The following ADAM22 variants were observed in gnomAD, a reference collection of about 807,000 sequenced individuals.
ADAM22 encodes the protein ADAM metallopeptidase domain 22.
A neutral mutation model predicts 144.6 loss-of-function variants in ADAM22; 65 were observed. The observed-to-expected ratio is 0.45, with a 90% CI of 0.37 to 0.55. The LOEUF (loss-of-function observed/expected upper bound fraction) is 0.55, where lower values mean the gene tolerates loss of function less well. Ranked by LOEUF, ADAM22 falls within the 20% of genes least tolerant of loss-of-function variation. The pLI, the probability that ADAM22 is intolerant of heterozygous loss-of-function variation, is 0.00. For synonymous variants in ADAM22, 391 were observed against 412.6 expected, an observed-to-expected ratio of 0.95 and a Z score of 0.63; for missense variants, 974 against 1,184.9, an observed-to-expected ratio of 0.82 and a Z score of 2.61.
intron 2 of ADAM22, among the ~76,000 whole-genome samples, chr7:87,960,591 A>C (rs938885424): frequency 6.6e-6 from 1 of 152,136 alleles, no homozygotes; most frequent in Non-Finnish European, 1.5e-5. Context: ...TCTTCTCTGC[A>C]GTATGTTTTC....
chr7:87,944,867 A>G (rs1322248062), intron 2 of ADAM22, among the ~76,000 whole-genome samples: 1 of 143,218 alleles, frequency 7.0e-6, no homozygotes, highest in Non-Finnish European at 1.5e-5. Flanking sequence ...TCTCATCCAC[A>G]CATGAGCTTT....
In ADAM22 at chr7:88,143,029, T is replaced by C; in HGVS notation, c.1224T>C (p.Tyr408=). The C allele has an allele frequency of 6.3e-7, 1 of 1,598,880 alleles. No individual in the cohort carries two copies. Among genetic ancestry groups the C allele is most frequent in the Non-Finnish European group, 8.6e-7 (1 of 1,167,966 alleles). The change falls in exon 15 of 32, where the codon TAT becomes TAC. Residue 408 remains tyrosine, a synonymous_variant. Coordinates refer to ENST00000413139, the MANE Select transcript of ADAM22 (RefSeq NM_001324418.2). ...WSGCIMGDTG[Y]YLPKKFTQCN... ...TTGCTTTTCTTCTCTTTTATAGCTA[T>C]TATCTTCCTAAAAAGTTCACCCAGT...
rs139474891 is a variant in ADAM22, at chr7:88,042,154, C to G, written c.324-33472C>G. Among the ~76,000 whole-genome samples, 776 of 152,066 alleles carry G rather than the reference C, an allele frequency of 5.1e-3. 13 individuals carry two copies. The highest frequency in any genetic ancestry group is 0.041 in the East Asian group (214 of 5,188). ...AAGAAAGTTTATCTTCAGGGGAGGG[C>G]TTTCTCACTGTTTTCCATTGATTTT... On this transcript the variant is annotated intron_variant, in intron 3 of 31. Transcript: ENST00000413139.
chr7:88,098,548 G>A (rs953048878), intron 4 of ADAM22, among the ~76,000 whole-genome samples: 1 of 152,084 alleles, frequency 6.6e-6, no homozygotes, highest in Non-Finnish European at 1.5e-5. Context: ...GCCCTAATCC[G>A]ATGGTTGGTG....
At chr7:88,121,840 T>G (rs1296165531) in intron 7 of ADAM22, among the ~76,000 whole-genome samples, 1 of 152,222 alleles carries the variant, frequency 6.6e-6, no homozygotes, top group Non-Finnish European at 1.5e-5. Context: ...GAGTCCAGCC[T>G]TCTCTCAAGG....
chr7:88,192,091 GC>G (rs1367757775), intron 30 of ADAM22, among the ~76,000 whole-genome samples: 2 of 152,130 alleles, frequency 1.3e-5, no homozygotes, highest in East Asian at 1.9e-4. Context: ...TGCTACCCCC[GC>G]CCCTCCCACT....
intron 4 of ADAM22, among the ~76,000 whole-genome samples, chr7:88,094,171 G>C (rs1394529048): frequency 6.6e-6 from 1 of 152,124 alleles, no homozygotes; most frequent in South Asian, 2.1e-4. Flanking sequence ...CATGATGCAG[G>C]CAACTACTGA....
intron 14 of ADAM22, among the ~76,000 whole-genome samples, chr7:88,142,177 A>G (rs1373840476): frequency 6.6e-6 from 1 of 152,246 alleles, no homozygotes; most frequent in Non-Finnish European, 1.5e-5. Flanking sequence ...ACAAAGAAGT[A>G]CATCCTCCTA....
intron 3 of ADAM22, among the ~76,000 whole-genome samples, chr7:88,064,761 C>G (rs1810784429): frequency 6.6e-6 from 1 of 152,142 alleles, no homozygotes; most frequent in Non-Finnish European, 1.5e-5. Flanking sequence ...AATAACCTCC[C>G]AAAGGCCTCA....
intron 3 of ADAM22, 140 bp downstream of exon 3, chr7:87,978,552 C>A (rs1390378864): frequency 3.3e-6 from 2 of 614,056 alleles, no homozygotes; most frequent in Non-Finnish European, 5.5e-6. Context: ...TACTTATTTA[C>A]TGTAGGTTAT....
intron 3 of ADAM22, among the ~76,000 whole-genome samples, chr7:88,019,686 TAAAAATTAC>T (rs1430187242): frequency 6.6e-6 from 1 of 151,736 alleles, no homozygotes; most frequent in Non-Finnish European, 1.5e-5. Context: ...TGTGTCTACT[TAAAAATTAC>T]AAAAATTAGC....
At chr7:88,030,478 C>T (rs1799981809) in intron 3 of ADAM22, among the ~76,000 whole-genome samples, 1 of 152,052 alleles carries the variant, frequency 6.6e-6, no homozygotes, top group African/African-American at 2.4e-5. Flanking sequence ...TCCCTCGTGC[C>T]TTATTTTATT....
At chr7:88,178,326 G>T (rs1846189510) in intron 26 of ADAM22, among the ~76,000 whole-genome samples, 1 of 151,972 alleles carries the variant, frequency 6.6e-6, no homozygotes, top group African/African-American at 2.4e-5. Context: ...ATGTTCCACT[G>T]AACAGTTATA....
At chr7:87,943,359 C>T (rs183478814) in intron 2 of ADAM22, among the ~76,000 whole-genome samples, 9 of 151,780 alleles carry the variant, frequency 5.9e-5, no homozygotes, top group African/African-American at 2.2e-4. Context: ...AAATGTTAGA[C>T]ATCAACATAA....
intron 3 of ADAM22, among the ~76,000 whole-genome samples, chr7:87,982,019 T>G (rs1853564861): frequency 6.7e-6 from 1 of 148,502 alleles, no homozygotes; most frequent in African/African-American, 2.5e-5. Context: ...GTGTTTGGAG[T>G]AGTTTGGAAT....
intron 30 of ADAM22, among the ~76,000 whole-genome samples, chr7:88,190,554 A>C (rs137914188): frequency 1.5e-4 from 23 of 152,222 alleles, no homozygotes; most frequent in African/African-American, 5.5e-4. Context: ...AAATAAAATA[A>C]AATGCAGTAA....
At chr7:88,108,830 A>G (rs967968074) in intron 5 of ADAM22, among the ~76,000 whole-genome samples, 1 of 152,172 alleles carries the variant, frequency 6.6e-6, no homozygotes, top group African/African-American at 2.4e-5. Context: ...GCATACTTTA[A>G]GGAGATGCTA....
chr7:88,060,039 T>TG (rs1301389078), intron 3 of ADAM22, among the ~76,000 whole-genome samples: 2 of 152,182 alleles, frequency 1.3e-5, no homozygotes, highest in Non-Finnish European at 2.9e-5. Flanking sequence ...CACTATATTA[T>TG]AGTCTAGTAA....
At chr7:87,982,030 C>T (rs1476249726) in intron 3 of ADAM22, among the ~76,000 whole-genome samples, 1 of 139,144 alleles carries the variant, frequency 7.2e-6, no homozygotes, top group Non-Finnish European at 1.5e-5. Flanking sequence ...AGTTTGGAAT[C>T]CTTATGTTTA....
Sources: allele counts gnomAD v4.1 joint callset (sites outside exome capture counted in the v4.1 genomes callset), GRCh38; gene constraint gnomAD v4.1.1; transcripts MANE v1.5; gene names NCBI Gene and HGNC (gene_info 2026-07-23, HGNC 2026-07-21).